The following SCP2 variants were observed in gnomAD, a reference collection of about 807,000 sequenced individuals.
The protein encoded by SCP2 is SCP-2/3-oxoacyl-CoA thiolase.
A neutral mutation model predicts 71.4 loss-of-function variants in SCP2; 48 were observed. That is an observed-to-expected ratio of 0.67 (90% confidence interval 0.53 to 0.86). The LOEUF is 0.86. Among genes scored for constraint, SCP2 ranks in the 40% least tolerant of loss-of-function variants. The pLI is 0.00. For synonymous variants in SCP2, 220 were observed against 218.1 expected, an observed-to-expected ratio of 1.01 and a Z score of -0.08; for missense variants, 560 against 655.6, an observed-to-expected ratio of 0.85 and a Z score of 1.59.
intron 12 of SCP2, among the ~76,000 whole-genome samples, chr1:53,024,305 A>AG (rs1373520053): frequency 6.6e-6 from 1 of 152,098 alleles, no homozygotes. Context: ...GGTTGGAAGC[A>AG]GGGGGGAGTG....
intron 5 of SCP2, among the ~76,000 whole-genome samples, chr1:52,960,036 C>T (rs1208617655): frequency 1.3e-5 from 2 of 151,894 alleles, no homozygotes; most frequent in Non-Finnish European, 2.9e-5. Flanking sequence ...GGATTACAGG[C>T]GCCTGCCACC....
At position 53,038,926 on chromosome 1, in the gene SCP2, C is replaced by T; in HGVS notation, c.1348C>T (p.Gln450Ter). 6.2e-7 allele frequency: 1 copy of T among 1,613,966 alleles called. No individual in the cohort carries two copies. Residue 450 changes from glutamine (Q) to a stop codon, truncating the protein, a stop_gained, in exon 14 of 16, where the codon CAG becomes TAG. Transcript: ENST00000371514. LOFTEE classifies it high-confidence loss of function. ...TTATTTTTCTTTCCAGGAAGGGGAACAGTTTGTGAAGAAAATCGGTGGTAT... is the reference window on the plus strand; with the variant it reads ...TTATTTTTCTTTCCAGGAAGGGGAATAGTTTGTGAAGAAAATCGGTGGTAT... ...IEKKLEEEGE[Q>*]FVKKIGGIFA...
At chr1:53,045,567 C>T (rs1663746054) in intron 14 of SCP2, among the ~76,000 whole-genome samples, 1 of 152,076 alleles carries the variant, frequency 6.6e-6, no homozygotes, top group African/African-American at 2.4e-5. Flanking sequence ...GCACCCAGGG[C>T]TAGGTGATAA....
At chr1:52,990,891 T>C (rs2150192057) in intron 11 of SCP2, among the ~76,000 whole-genome samples, 1 of 152,272 alleles carries the variant, frequency 6.6e-6, no homozygotes, top group East Asian at 1.9e-4. Flanking sequence ...GAATGAAAAG[T>C]GTCCTTCAGA....
rs1318148880 is a variant in SCP2, at chr1:52,968,310, T to A, written c.524-6459T>A. Among the ~76,000 whole-genome samples the A allele has an allele frequency of 2.0e-5, 3 of 152,130 alleles. No individual in the cohort carries two copies. In the East Asian group the frequency reaches 5.8e-4, roughly 29 times the overall value. On this transcript the variant is annotated intron_variant, in intron 6 of 15. Coordinates refer to ENST00000371514, the MANE Select transcript of SCP2 (RefSeq NM_002979.5). ...TCCCTTGATGAAATTAGCTGGTAGT[T>A]TGTCTCTTTTGTTAAATTTTTCAAA...
chr1:52,967,938 G>A (rs183363485), intron 6 of SCP2, among the ~76,000 whole-genome samples: 1 of 152,220 alleles, frequency 6.6e-6, no homozygotes, highest in East Asian at 1.9e-4. Context: ...CCAACATCCT[G>A]CTTTCATCCA....
In SCP2 at chr1:52,978,436, A is replaced by G. The variant is rs938259293; in HGVS notation, c.825+69A>G. 3 of 1,221,004 alleles carry G rather than the reference A, an allele frequency of 2.5e-6. No homozygotes were observed. The African/African-American group carries it at 4.5e-5, about 18-fold the overall frequency. 75.6% of individuals were successfully genotyped at this position (1,221,004 alleles called of 1,614,324 possible). ...GTCTCATGATTCTTGTGATGGAGCC[A>G]TGCATTATTATATAATAACTTTTAA... On this transcript the variant is annotated intron_variant, in intron 9 of 15. Coordinates refer to ENST00000371514, the MANE Select transcript of SCP2 (RefSeq NM_002979.5).
Position 52,978,276 on chromosome 1 carries a change from A to G in SCP2, c.734A>G (p.Tyr245Cys). 1.2e-6 allele frequency: 2 copies of G among 1,614,060 alleles called. No individual in the cohort carries two copies. Among genetic ancestry groups the G allele is most frequent in the Non-Finnish European group, 1.7e-6 (2 of 1,179,902 alleles). ...ILASEAFVQK[Y>C]GLQSKAVEIL... ...GCCAGTGAAGCATTTGTACAGAAGT[A>G]TGGCCTGCAATCCAAAGCTGTGGAA... The change falls in exon 9 of 16, where the codon TAT becomes TGT. Residue 245 changes from tyrosine to cysteine, a missense_variant. By Grantham distance (194) the Tyr-to-Cys change is radical. Coordinates refer to ENST00000371514, the MANE Select transcript of SCP2 (RefSeq NM_002979.5).
At chr1:53,002,442 C>T (rs748363869) in intron 11 of SCP2, among the ~76,000 whole-genome samples, 14 of 152,054 alleles carry the variant, frequency 9.2e-5, no homozygotes, top group Non-Finnish European at 1.0e-4. Context: ...ATATTTTGGC[C>T]GGATACAAGA....
chr1:52,954,726 C>T lies in SCP2; in HGVS notation c.332-14C>T, dbSNP rs369392420. On this transcript the variant is annotated splice_polypyrimidine_tract_variant and intron_variant, in intron 4 of 15. Coordinates refer to ENST00000371514, the MANE Select transcript of SCP2 (RefSeq NM_002979.5). ...GAAATTTGAATTTTCAAAATAATTA[C>T]GTTTTCCTTTAAGGTGTGGCAGAAT... 62 of 1,608,184 alleles carry T rather than the reference C, an allele frequency of 3.9e-5. No homozygotes were observed. Among genetic ancestry groups the T allele is most frequent in the Non-Finnish European group, 4.7e-5 (55 of 1,174,850 alleles).
intron 13 of SCP2, among the ~76,000 whole-genome samples, chr1:53,038,339 G>T (rs147728657): frequency 4.0e-5 from 6 of 150,742 alleles, no homozygotes; most frequent in Non-Finnish European, 7.4e-5. Flanking sequence ...TGAAACATAC[G>T]AGGGCTATTT....
intron 1 of SCP2, among the ~76,000 whole-genome samples, chr1:52,932,359 C>T (rs1653236205): frequency 6.6e-6 from 1 of 152,068 alleles, no homozygotes; most frequent in Admixed American, 6.6e-5. Flanking sequence ...AATTTTTGAT[C>T]CTAGAATTCT....
rs1661222754 is a variant in SCP2, at chr1:53,014,908, A to C, written c.1100A>C (p.Glu367Ala). 3.7e-6 allele frequency: 6 copies of C among 1,613,348 alleles called. No individual in the cohort carries two copies. Among genetic ancestry groups the C allele is most frequent in the Non-Finnish European group, 5.1e-6 (6 of 1,179,908 alleles). The change falls in exon 12 of 16, where the codon GAA becomes GCA. Residue 367 changes from glutamate (E) to alanine (A), a missense_variant. This residue lies in a region of SCP2 where 513 missense variants were observed against 573.1 expected (regional missense o/e 0.90). Transcript: ENST00000371514. ...LGATGLAQCAELCWQLRGEAG... is the reference protein window; with the variant it reads ...LGATGLAQCAALCWQLRGEAG... ...TTGTTAGGTCTTGCTCAGTGTGCAG[A>C]ACTCTGCTGGCAGCTGAGAGGGGAA... is the stretch of plus-strand genomic sequence containing the variant.
chr1:52,957,167 C>G (rs1655894443), intron 5 of SCP2, among the ~76,000 whole-genome samples: 1 of 152,070 alleles, frequency 6.6e-6, no homozygotes, highest in Non-Finnish European at 1.5e-5. Flanking sequence ...CTCGGCCTCC[C>G]AAAGTGCTGG....
At chr1:53,012,529 CCT>C (rs1368250100) in intron 11 of SCP2, among the ~76,000 whole-genome samples, 11 of 152,296 alleles carry the variant, frequency 7.2e-5, no homozygotes, top group African/African-American at 2.4e-4. Flanking sequence ...TCCCTTTGCC[CCT>C]CTCTACGTAA....
chr1:53,044,565 G>A (rs75674851), intron 14 of SCP2, among the ~76,000 whole-genome samples: 5,707 of 152,204 alleles, frequency 0.037, 230 homozygotes, highest in East Asian at 0.21. Flanking sequence ...TCATTCTATT[G>A]GACAAATACA....
chr1:52,945,297 C>T (rs1051479932), intron 2 of SCP2, among the ~76,000 whole-genome samples: 1 of 152,218 alleles, frequency 6.6e-6, no homozygotes, highest in Middle Eastern at 3.4e-3. Context: ...CTCCTGGGCT[C>T]AAGCAGTCCT....
intron 10 of SCP2, among the ~76,000 whole-genome samples, chr1:52,981,568 T>A (rs920684730): frequency 6.6e-6 from 1 of 151,348 alleles, no homozygotes; most frequent in Non-Finnish European, 1.5e-5. Flanking sequence ...TCCCGAGTAT[T>A]ACAGGTGTGC....
At chr1:52,935,256 A>T (rs538781653) in intron 1 of SCP2, among the ~76,000 whole-genome samples, 13 of 150,404 alleles carry the variant, frequency 8.6e-5, no homozygotes, top group East Asian at 2.0e-4. Context: ...ACAAGAGCAA[A>T]ACTCCGTTTC....
Sources: allele counts gnomAD v4.1 joint callset (sites outside exome capture counted in the v4.1 genomes callset), GRCh38; gene constraint gnomAD v4.1.1; regional missense constraint gnomAD v4.1.1; transcripts MANE v1.5; gene names NCBI Gene and HGNC (gene_info 2026-07-23, HGNC 2026-07-21).